The following CCDC77 variants were observed in gnomAD, a reference collection of about 807,000 sequenced individuals.
The protein encoded by CCDC77 is coiled-coil domain-containing protein 77.
Under a neutral mutation model 66.8 loss-of-function variants are expected in CCDC77, and 56 were observed. The ratio of observed to expected loss-of-function variants is 0.84; its 90% CI spans 0.68 to 1.05. CCDC77 has a LOEUF of 1.05. CCDC77 is among the 50% of genes least tolerant of loss of function. The probability of loss-of-function intolerance (pLI) is 0.00; values close to 1 mark genes in which losing one functional copy is unlikely to be tolerated. For synonymous variants in CCDC77, 196 were observed against 195.2 expected, an observed-to-expected ratio of 1.00 and a Z score of -0.03; for missense variants, 570 against 576.8, an observed-to-expected ratio of 0.99 and a Z score of 0.12.
chr12:402,495 T>C (rs1944915293), intron 1 of CCDC77, among the ~76,000 whole-genome samples: 1 of 152,208 alleles, frequency 6.6e-6, no homozygotes, highest in Non-Finnish European at 1.5e-5. Flanking sequence ...GAGGGAGTTG[T>C]GTTCCAGCTA....
intron 1 of CCDC77, among the ~76,000 whole-genome samples, chr12:390,835 G>A (rs1283033080): frequency 6.6e-6 from 1 of 152,110 alleles, no homozygotes; most frequent in East Asian, 1.9e-4. Flanking sequence ...CCTCACTTAC[G>A]TGTCTGGCAG....
chr12:416,399 A>ATATG (rs1284668842), intron 4 of CCDC77, among the ~76,000 whole-genome samples: 2 of 53,914 alleles, frequency 3.7e-5, no homozygotes, highest in African/African-American at 1.2e-4. Context: ...ATATATATAT[A>ATATG]TATATATATA....
intron 3 of CCDC77, among the ~76,000 whole-genome samples, chr12:411,213 C>CA (rs1565565606): frequency 1.3e-5 from 2 of 151,046 alleles, no homozygotes; most frequent in Non-Finnish European, 2.9e-5. Flanking sequence ...CTCGCTCTGT[C>CA]GCCAGGCTGG....
At chr12:436,992 CTG>C (rs1223631751) in intron 9 of CCDC77, among the ~76,000 whole-genome samples, 1 of 152,236 alleles carries the variant, frequency 6.6e-6, no homozygotes, top group Non-Finnish European at 1.5e-5. Context: ...ACATACCTGA[CTG>C]TATATATTCA....
At chr12:398,307 G>A (rs1944853987), upstream of CCDC77, among the ~76,000 whole-genome samples, 1 of 152,192 alleles carries the variant, frequency 6.6e-6, no homozygotes, top group East Asian at 1.9e-4. Flanking sequence ...TGTCATTTTG[G>A]CAATGTTCAC....
chr12:390,120 C>CAAAAAAAAAAAAA (rs11330348), intron 1 of CCDC77: 1 of 73,416 alleles, frequency 1.4e-5, no homozygotes, highest in Non-Finnish European at 2.6e-5. Context: ...GTTGCCTGAG[C>CAAAAAAAAAAAAA]AAAAAAAAAA....
chr12:407,033 G>A (rs573306323), intron 2 of CCDC77, among the ~76,000 whole-genome samples: 3 of 152,332 alleles, frequency 2.0e-5, no homozygotes, highest in East Asian at 1.9e-4. Context: ...GAAGCCAAGC[G>A]CAGTGACTCA....
intron 5 of CCDC77, among the ~76,000 whole-genome samples, chr12:423,470 G>GTTTTTTTTTTTTTTTTTTTTTTTTTTTT (rs1307027692): frequency 2.2e-5 from 1 of 44,846 alleles, no homozygotes; most frequent in African/African-American, 7.4e-5. Context: ...TGTTTTTTGT[G>GTTTTTTTTTTTTTTTTTTTTTTTTTTTT]TTTTTTGTGT....
chr12:438,326 C>A lies in CCDC77; in HGVS notation c.822-9C>A, dbSNP rs1255022546. 6.3e-7 allele frequency: 1 copy of A among 1,598,210 alleles called. No homozygotes were observed. The highest frequency in any genetic ancestry group is 8.6e-7 in the Non-Finnish European group (1 of 1,169,424). On this transcript the variant is annotated splice_polypyrimidine_tract_variant and intron_variant, in intron 9 of 12. Coordinates refer to ENST00000239830, the MANE Select transcript of CCDC77 (RefSeq NM_032358.4). ...ATCCTCATGTCTGCATTTATACTTT[C>A]TTTCCTAGTCTTCACCACACCCAAG...
intron 4 of CCDC77, 68 bp from the exon 5 acceptor site, chr12:418,426 C>T: frequency 6.8e-7 from 1 of 1,477,740 alleles, no homozygotes; most frequent in Non-Finnish European, 9.4e-7. Flanking sequence ...AGACTCCTCC[C>T]TATCCAGTGA....
chr12:435,401 TC>T (rs1379381116), intron 9 of CCDC77, among the ~76,000 whole-genome samples: 1 of 152,272 alleles, frequency 6.6e-6, no homozygotes, highest in Admixed American at 6.5e-5. Context: ...GTATTCCGTT[TC>T]CCAAGCTTGA....
intron 1 of CCDC77, chr12:389,579 C>A (rs1308805792): frequency 7.3e-6 from 2 of 275,122 alleles, no homozygotes; most frequent in African/African-American, 2.2e-5. Flanking sequence ...CGCAACGAGG[C>A]GGGGCGAGGC....
rs947900611 is a variant in CCDC77 at position 410,912 on chromosome 12, G to T, written c.39-835G>T. 3.9e-5 allele frequency among the ~76,000 whole-genome samples: 6 copies of T among 152,108 alleles called. No homozygotes were observed. In the East Asian group the frequency reaches 9.7e-4, roughly 25 times the overall value. On this transcript the variant is annotated intron_variant, in intron 3 of 12. Coordinates refer to ENST00000239830, the MANE Select transcript of CCDC77 (RefSeq NM_032358.4). The stretch of plus-strand genomic sequence containing the variant: ...CATGGTCTCCCTTAGTTTATATTCT[G>T]TTTTTTTAAATTATCTTTTTCGTCT...
intron 5 of CCDC77, among the ~76,000 whole-genome samples, chr12:427,162 T>G (rs1945550764): frequency 6.6e-6 from 1 of 152,054 alleles, no homozygotes; most frequent in Admixed American, 6.6e-5. Flanking sequence ...GGAGAATTGC[T>G]TGAACCCAGG....
chr12:389,367 C>T (rs914600350), exon 1 of CCDC77: 10 of 601,244 alleles, frequency 1.7e-5, no homozygotes, highest in Non-Finnish European at 2.4e-5. Context: ...CGCAGCTGCA[C>T]GACGCCTGTG....
rs4980895 is a variant in CCDC77 at position 411,781 on chromosome 12, A to C, written c.73A>C (p.Ser25Arg). Residue 25 changes from serine to arginine, a missense_variant, in exon 4 of 13, where the codon AGT becomes CGT. By Grantham distance (110) the Ser-to-Arg change is moderately radical. Transcript: ENST00000239830. ...TVVSKRGVAVSGPTKRRGMAD... is the reference protein window; with the variant it reads ...TVVSKRGVAVRGPTKRRGMAD... ...TGTCTCCAAACGTGGTGTTGCCGTCAGTGGTCCCACCAAGAGGAGGGGAAT... is the reference window on the plus strand; with the variant it reads ...TGTCTCCAAACGTGGTGTTGCCGTCCGTGGTCCCACCAAGAGGAGGGGAAT... The C allele has an allele frequency of 0.11, 184,561 of 1,613,644 alleles. 13,970 individuals carry two copies. Among genetic ancestry groups the C allele is most frequent in the African/African-American group, 0.33 (24,831 of 74,922 alleles).
chr12:389,363 T>G, exon 1 of CCDC77: 1 of 605,474 alleles, frequency 1.7e-6, no homozygotes, highest in South Asian at 1.8e-5. Context: ...CTTCCGCAGC[T>G]GCACGACGCC....
In CCDC77 at chr12:411,939, G is replaced by T. The variant is rs773688992; in HGVS notation, c.231G>T (p.Leu77=). 1.2e-6 allele frequency: 2 copies of T among 1,613,990 alleles called. No homozygotes were observed. Among genetic ancestry groups the T allele is most frequent in the East Asian group, 4.5e-5 (2 of 44,890 alleles). The part of the protein sequence containing the change: ...AECEAENEDL[L]KKLELYKEAC... ...GTGAGGCAGAAAATGAGGACTTGCT[G>T]AAGAAACTGGAACTCTACAAAGAAG... Residue 77 remains leucine (L), a synonymous_variant, in exon 4 of 13, where the codon CTG becomes CTT. Transcript: ENST00000239830.
intron 6 of CCDC77, 83 bp downstream of exon 6, chr12:428,948 C>A: frequency 2.5e-6 from 2 of 794,030 alleles, no homozygotes; most frequent in South Asian, 1.8e-5. Context: ...CTTTAGTATC[C>A]GCTGGAGAAG....
Sources: allele counts gnomAD v4.1 joint callset (sites outside exome capture counted in the v4.1 genomes callset), GRCh38; gene constraint gnomAD v4.1.1; transcripts MANE v1.5; gene names NCBI Gene and HGNC (gene_info 2026-07-23, HGNC 2026-07-21).